SPIDR: variants seen among roughly 807,000 people sequenced by gnomAD.
SPIDR encodes the protein DNA repair-scaffolding protein.
Under a neutral mutation model 104.6 loss-of-function variants are expected in SPIDR, and 93 were observed. That is an observed-to-expected ratio of 0.89 (90% confidence interval 0.75 to 1.06). The LOEUF (loss-of-function observed/expected upper bound fraction) is 1.06. Among genes scored for constraint, SPIDR ranks in the 50% least tolerant of loss-of-function variants. SPIDR has a pLI of 0.00. For synonymous variants in SPIDR, 431 were observed against 416.9 expected (o/e 1.03, Z -0.41); for missense variants, 1,154 against 1,111.2 (o/e 1.04, Z -0.55).
At chr8:47,314,623 T>C (rs1554588186) in intron 5 of SPIDR, among the ~76,000 whole-genome samples, 1 of 152,064 alleles carries the variant, frequency 6.6e-6, no homozygotes, top group Non-Finnish European at 1.5e-5. Flanking sequence ...ATCACGAGAA[T>C]AGCATGAGGG....
intron 10 of SPIDR, among the ~76,000 whole-genome samples, chr8:47,647,677 G>GGA (rs140899135): frequency 0.011 from 793 of 69,476 alleles, 5 homozygotes; most frequent in Middle Eastern, 0.033. Context: ...AGGGAGAGAG[G>GGA]GAGAGAGAGA....
intron 8 of SPIDR, among the ~76,000 whole-genome samples, chr8:47,515,902 C>T (rs568775010): frequency 5.3e-5 from 8 of 152,302 alleles, no homozygotes; most frequent in Admixed American, 6.5e-5. Flanking sequence ...CCTCCACTCC[C>T]GGGTTCAAGC....
At chr8:47,375,738 C>T (rs1211258857) in intron 5 of SPIDR, among the ~76,000 whole-genome samples, 2 of 152,040 alleles carry the variant, frequency 1.3e-5, no homozygotes, top group African/African-American at 4.8e-5. Context: ...CAGGTGCGCA[C>T]CACTGTGCCC....
intron 8 of SPIDR, among the ~76,000 whole-genome samples, chr8:47,496,237 A>G (rs2154369041): frequency 6.6e-6 from 1 of 152,224 alleles, no homozygotes; most frequent in South Asian, 2.1e-4. Flanking sequence ...TGTCGAATAG[A>G]AGTGTCAGAG....
At chr8:47,543,801 T>G (rs1037208755) in intron 8 of SPIDR, among the ~76,000 whole-genome samples, 1 of 152,114 alleles carries the variant, frequency 6.6e-6, no homozygotes, top group Non-Finnish European at 1.5e-5. Context: ...TCCAGAGATA[T>G]GGTGGTCAGT....
chr8:47,635,818 C>T (rs1219869932), intron 10 of SPIDR, among the ~76,000 whole-genome samples: 2 of 152,188 alleles, frequency 1.3e-5, no homozygotes, highest in African/African-American at 4.8e-5. Flanking sequence ...AGAAAGCTGA[C>T]ATGCTTACCT....
intron 8 of SPIDR, among the ~76,000 whole-genome samples, chr8:47,573,880 G>C (rs1189884644): frequency 6.6e-6 from 1 of 152,206 alleles, no homozygotes; most frequent in Non-Finnish European, 1.5e-5. Context: ...TGAGGTTTTT[G>C]CTGTCCTTGT....
chr8:47,622,058 T>A (rs1281530693), intron 10 of SPIDR, among the ~76,000 whole-genome samples: 1 of 152,092 alleles, frequency 6.6e-6, no homozygotes, highest in African/African-American at 2.4e-5. Context: ...GCATTTGATA[T>A]GATCCAAGTA....
chr8:47,342,462 G>A (rs1024284227), intron 5 of SPIDR, among the ~76,000 whole-genome samples: 2 of 146,080 alleles, frequency 1.4e-5, no homozygotes, highest in African/African-American at 2.6e-5. Context: ...TCAGGCTCCC[G>A]AGTAGCTAGG....
intron 8 of SPIDR, among the ~76,000 whole-genome samples, chr8:47,475,858 T>C (rs2076227143): frequency 6.6e-6 from 1 of 151,826 alleles, no homozygotes; most frequent in Admixed American, 6.6e-5. Context: ...AGTGGAAGAG[T>C]TGTGGGAGGT....
At chr8:47,434,283 C>T (rs1275379406) in intron 7 of SPIDR, among the ~76,000 whole-genome samples, 2 of 152,052 alleles carry the variant, frequency 1.3e-5, no homozygotes, top group Non-Finnish European at 2.9e-5. Context: ...GCTGCTTGCT[C>T]ATGATTCTCT....
At chr8:47,370,245 C>T (rs1296087944) in intron 5 of SPIDR, among the ~76,000 whole-genome samples, 9 of 151,988 alleles carry the variant, frequency 5.9e-5, no homozygotes, top group Non-Finnish European at 1.2e-4. Flanking sequence ...CAGAAGGGAC[C>T]TCTTTAGTTG....
In SPIDR at chr8:47,735,938, G is replaced by C. The variant is rs1479459316; in HGVS notation, c.*488G>C. 4.4e-6 allele frequency: 1 copy of C among 227,672 alleles called. No homozygotes were observed. The highest frequency in any genetic ancestry group is 5.3e-5 in the Admixed American group (1 of 18,932). 14.1% of individuals were successfully genotyped at this position (227,672 alleles called of 1,614,324 possible). ...AGCACTTTGCAGTTCACTACTTTTG[G>C]GAAAATGTTCTAGGGAACTGTATCA... On this transcript the variant is annotated 3_prime_UTR_variant, in exon 20 of 20. Coordinates refer to ENST00000297423, the MANE Select transcript of SPIDR (RefSeq NM_001080394.4).
At chr8:47,572,640 C>T (rs904672219) in intron 8 of SPIDR, among the ~76,000 whole-genome samples, 2 of 149,794 alleles carry the variant, frequency 1.3e-5, no homozygotes, top group South Asian at 2.1e-4. Context: ...TCCTGCCTGG[C>T]GACAGAGCAA....
chr8:47,638,176 G>C (rs1208520018), intron 10 of SPIDR, among the ~76,000 whole-genome samples: 1 of 151,868 alleles, frequency 6.6e-6, no homozygotes, highest in African/African-American at 2.4e-5. Flanking sequence ...TGTAAGATGT[G>C]CTAGGCTTAT....
At position 47,505,628 on chromosome 8, in the gene SPIDR, G is replaced by A. The variant is rs371466935; in HGVS notation, c.1097+65086G>A. Among the ~76,000 whole-genome samples, 14 of 152,280 alleles carry A rather than the reference G, an allele frequency of 9.2e-5. No individual in the cohort carries two copies. In the East Asian group the frequency reaches 1.6e-3, roughly 17 times the overall value. On this transcript the variant is annotated intron_variant, in intron 8 of 19. Transcript: ENST00000297423. Reference sequence around the variant, plus strand: ...CCCTGCTTCGGCTCATGCTCGGTCCGCTGCGCCCACTTTCCGATACTCCCC... The same window carrying A: ...CCCTGCTTCGGCTCATGCTCGGTCCACTGCGCCCACTTTCCGATACTCCCC...
chr8:47,445,140 A>G (rs1164339318), intron 8 of SPIDR, among the ~76,000 whole-genome samples: 2 of 152,158 alleles, frequency 1.3e-5, no homozygotes, highest in African/African-American at 4.8e-5. Context: ...CTTGTATAGC[A>G]CTAAACACAT....
chr8:47,685,509 A>ATTTTTTTTTTTTTTTTTTT (rs79918303), intron 11 of SPIDR, among the ~76,000 whole-genome samples: 3 of 106,866 alleles, frequency 2.8e-5, no homozygotes, highest in Non-Finnish European at 4.6e-5. Flanking sequence ...TTATTTATTT[A>ATTTTTTTTTTTTTTTTTTT]TTTATTTATT....
chr8:47,413,625 C>T (rs1385628489), intron 7 of SPIDR, among the ~76,000 whole-genome samples: 2 of 152,110 alleles, frequency 1.3e-5, no homozygotes, highest in East Asian at 1.9e-4. Context: ...AAAACATGGG[C>T]GAACTTTGAA....
Sources: gnomAD v4.1 joint callset for allele counts (sites outside exome capture counted in the v4.1 genomes callset) on GRCh38, gnomAD v4.1.1 for gene constraint, MANE v1.5 for transcripts, NCBI Gene and HGNC (gene_info 2026-07-23, HGNC 2026-07-21) for gene names.